The following GATA6 variants were observed in gnomAD, a reference collection of about 807,000 sequenced individuals.
GATA6 encodes the protein GATA binding protein 6.
GATA6 carries 11 observed loss-of-function variants against 48.1 expected under a neutral mutation model. The ratio of observed to expected loss-of-function variants is 0.23; its 90% CI spans 0.14 to 0.38. The LOEUF (loss-of-function observed/expected upper bound fraction) is 0.38, where lower values mean the gene tolerates loss of function less well. Ranked by LOEUF, GATA6 falls within the 10% of genes least tolerant of loss-of-function variation. The probability of loss-of-function intolerance (pLI) is 1.00; values close to 1 mark genes in which losing one functional copy is unlikely to be tolerated. For synonymous variants in GATA6, 419 were observed against 396.1 expected (o/e 1.06, Z -0.69); for missense variants, 795 against 850.3 (o/e 0.93, Z 0.81).
intron 3 of GATA6, among the ~76,000 whole-genome samples, chr18:22,177,944 G>GTTTGTTTT (rs2033144309): frequency 1.3e-5 from 1 of 77,886 alleles, no homozygotes; most frequent in African/African-American, 6.3e-5. Context: ...ACGTTTTACT[G>GTTTGTTTT]TTTTTTTGTT....
At chr18:22,196,516 G>A (rs1393718815) in intron 6 of GATA6, among the ~76,000 whole-genome samples, 1 of 152,136 alleles carries the variant, frequency 6.6e-6, no homozygotes, top group Non-Finnish European at 1.5e-5. Context: ...TGAGGCAGGT[G>A]GATCCCTTGA....
intron 6 of GATA6, among the ~76,000 whole-genome samples, chr18:22,198,069 T>C (rs1341127073): frequency 1.1e-5 from 1 of 95,126 alleles, no homozygotes; most frequent in Non-Finnish European, 2.1e-5. Flanking sequence ...TTCTTCTCTT[T>C]CTTTCTTTTT....
chr18:22,186,642 G>A (rs1033113401), intron 6 of GATA6, among the ~76,000 whole-genome samples: 1 of 152,168 alleles, frequency 6.6e-6, no homozygotes, highest in South Asian at 2.1e-4. Flanking sequence ...GGGGTCTATC[G>A]TGGTTGTCTG....
chr18:22,195,750 A>AT (rs1421811810), intron 6 of GATA6, among the ~76,000 whole-genome samples: 4 of 151,948 alleles, frequency 2.6e-5, no homozygotes, highest in African/African-American at 7.3e-5. Context: ...GTATTACAGG[A>AT]TTTTTTCCAT....
rs2033248015 is a variant in GATA6 at position 22,185,059 on chromosome 18, T to TTG, written c.1620+2019_1620+2020dup. Among the ~76,000 whole-genome samples the TTG allele has an allele frequency of 6.6e-6, 1 of 152,202 alleles. No individual in the cohort carries two copies. The highest frequency in any genetic ancestry group is 1.5e-5 in the Non-Finnish European group (1 of 68,034). On this transcript the variant is annotated intron_variant, in intron 6 of 6. Coordinates refer to ENST00000269216, the MANE Select transcript of GATA6 (RefSeq NM_005257.6). The surrounding 1 kb of genome is among the most constrained non-coding windows in gnomAD (Gnocchi z 4.3). ...ACTTGGAACCATTGTGGGTGGAGTCTTGTGATTTTGTGACGTAAAATTTCA... is the reference window on the plus strand; with the variant it reads ...ACTTGGAACCATTGTGGGTGGAGTCTTGTGTGATTTTGTGACGTAAAATTTCA...
rs995673503 is a variant in GATA6, at chr18:22,181,304, A to G, written c.1303-149A>G. On this transcript the variant is annotated intron_variant, in intron 3 of 6. Coordinates refer to ENST00000269216, the MANE Select transcript of GATA6 (RefSeq NM_005257.6). Reference sequence around the variant, plus strand: ...GGCCCAGAAAAGTCAGTATAAGTACACTGCAATTTTTTTTCTCAAGGACCA... The same window carrying G: ...GGCCCAGAAAAGTCAGTATAAGTACGCTGCAATTTTTTTTCTCAAGGACCA... 2.7e-5 allele frequency: 25 copies of G among 939,466 alleles called. No individual in the cohort carries two copies. The African/African-American group carries it at 3.8e-4, about 14-fold the overall frequency. The allele number at this position is 939,466 out of a possible 1,614,324, so 58.2% of individuals were successfully genotyped here.
rs1282027951 is a variant in GATA6 at position 22,173,521 on chromosome 18, T to TA, written c.1135+1246dup. 5.3e-5 allele frequency among the ~76,000 whole-genome samples: 8 copies of TA among 152,220 alleles called. No individual in the cohort carries two copies. The East Asian group carries it at 1.4e-3, about 26-fold the overall frequency. On this transcript the variant is annotated intron_variant, in intron 2 of 6. Coordinates refer to ENST00000269216, the MANE Select transcript of GATA6 (RefSeq NM_005257.6). ...TCCTAGGGGCCAGGATTCCTTAGGATAAAATGGGACATTCCCAACCTTGTC... is the reference window on the plus strand; with the variant it reads ...TCCTAGGGGCCAGGATTCCTTAGGATAAAAATGGGACATTCCCAACCTTGTC...
chr18:22,177,596 C>CTT (rs1191333497), intron 3 of GATA6, among the ~76,000 whole-genome samples: 1 of 152,154 alleles, frequency 6.6e-6, no homozygotes, highest in Admixed American at 6.5e-5. Context: ...CGAAGGAAGA[C>CTT]TTTTTTCACT....
At position 22,194,716 on chromosome 18, in the gene GATA6, C is replaced by A. The variant is rs568567056; in HGVS notation, c.1621-5940C>A. Among the ~76,000 whole-genome samples the A allele has an allele frequency of 1.6e-4, 24 of 151,546 alleles. 1 individual carries two copies. The East Asian group carries it at 1.7e-3, about 11-fold the overall frequency. On this transcript the variant is annotated intron_variant, in intron 6 of 6. Coordinates refer to ENST00000269216, the MANE Select transcript of GATA6 (RefSeq NM_005257.6). Reference sequence around the variant, plus strand: ...CTCTGATTTCCCCCCTCCGCCCCCCCCTCCCAACACACACACATCGTGTTG... The same window carrying A: ...CTCTGATTTCCCCCCTCCGCCCCCCACTCCCAACACACACACATCGTGTTG...
chr18:22,174,924 C>A (rs1304723498), intron 2 of GATA6, among the ~76,000 whole-genome samples: 1 of 151,980 alleles, frequency 6.6e-6, no homozygotes, highest in East Asian at 1.9e-4. Flanking sequence ...TCCTTTATTT[C>A]CTGGGTCCTA....
intron 2 of GATA6, among the ~76,000 whole-genome samples, chr18:22,176,225 A>G (rs1390166697): frequency 2.0e-5 from 3 of 152,218 alleles, no homozygotes; most frequent in Admixed American, 2.0e-4. Flanking sequence ...AATTTTGCAG[A>G]TAGAAGCAGT....
intron 3 of GATA6, among the ~76,000 whole-genome samples, 172 bp from the exon 4 acceptor site, chr18:22,181,281 C>T (rs1435381711): frequency 6.6e-6 from 1 of 152,072 alleles, no homozygotes; most frequent in Non-Finnish European, 1.5e-5. Context: ...AATTTCTTGG[C>T]CCAGAAAAGT....
At position 22,170,214 on chromosome 18, in the gene GATA6, T is replaced by G. The variant is rs1157766084; in HGVS notation, c.-38+532T>G. 1.3e-5 allele frequency among the ~76,000 whole-genome samples: 2 copies of G among 152,138 alleles called. No individual in the cohort carries two copies. Among genetic ancestry groups the G allele is most frequent in the African/African-American group, 4.8e-5 (2 of 41,456 alleles). On this transcript the variant is annotated intron_variant, in intron 1 of 6. Coordinates refer to ENST00000269216, the MANE Select transcript of GATA6 (RefSeq NM_005257.6). This position sits in a 1 kb window ranked among gnomAD's most constrained non-coding sequence, Gnocchi z 6.7. ...CAGCCCGTTGCGTTCCCCCTCCTTT[T>G]CTCTGCTCTCCGCTCCACCCCGCTA...
chr18:22,193,192 C>T (rs2033348823), intron 6 of GATA6, among the ~76,000 whole-genome samples: 1 of 152,158 alleles, frequency 6.6e-6, no homozygotes, highest in Non-Finnish European at 1.5e-5. Flanking sequence ...AAAAGGTGTC[C>T]ATGTTCCTTT....
chr18:22,171,044 G>A lies in GATA6; in HGVS notation c.-37-64G>A, dbSNP rs1214207394. The stretch of plus-strand genomic sequence containing the variant: ...AAAAGGAGTGGAGGCGAGGTAGCGT[G>A]CAGCCTACGCTCTTGTTAACCCGTC... On this transcript the variant is annotated intron_variant, in intron 1 of 6. Coordinates refer to ENST00000269216, the MANE Select transcript of GATA6 (RefSeq NM_005257.6). This position sits in a 1 kb window ranked among gnomAD's most constrained non-coding sequence, Gnocchi z 7.1. 1.0e-5 allele frequency: 10 copies of A among 957,950 alleles called. No homozygotes were observed. Among genetic ancestry groups the A allele is most frequent in the Non-Finnish European group, 1.6e-5 (10 of 615,830 alleles). 59.3% of individuals were successfully genotyped at this position (957,950 alleles called of 1,614,324 possible). A position where few individuals can be genotyped will look rare whatever the true frequency, so the allele number is the denominator to read the frequency against.
rs544043097 is a variant in GATA6 at position 22,190,964 on chromosome 18, G to A, written c.1620+7921G>A. On this transcript the variant is annotated intron_variant, in intron 6 of 6. Transcript: ENST00000269216. ...CCCGGCAGGGAATGTTCAAGCATGC[G>A]GATTTGCATACTTTCATTCTGATCT... is the stretch of plus-strand genomic sequence containing the variant. 2.1e-4 allele frequency among the ~76,000 whole-genome samples: 32 copies of A among 151,170 alleles called. No homozygotes were observed. In the East Asian group the frequency reaches 6.2e-3, roughly 29 times the overall value.
intron 6 of GATA6, among the ~76,000 whole-genome samples, chr18:22,199,072 A>T (rs1440652124): frequency 1.3e-5 from 2 of 152,164 alleles, no homozygotes; most frequent in African/African-American, 4.8e-5. Flanking sequence ...TTGGGTGCTT[A>T]GACTCAGAGG....
At chr18:22,187,845 GAA>G (rs1568002932) in intron 6 of GATA6, among the ~76,000 whole-genome samples, 1 of 149,736 alleles carries the variant, frequency 6.7e-6, no homozygotes, top group Non-Finnish European at 1.5e-5. Flanking sequence ...GGCAGCTACA[GAA>G]AAAAAGAAAA....
At chr18:22,197,876 G>A (rs1302337130) in intron 6 of GATA6, among the ~76,000 whole-genome samples, 1 of 152,036 alleles carries the variant, frequency 6.6e-6, no homozygotes, top group African/African-American at 2.4e-5. Context: ...TCTGACTCTT[G>A]GTCTACCTTC....
Sources: allele counts gnomAD v4.1 joint callset (sites outside exome capture counted in the v4.1 genomes callset), GRCh38; gene constraint gnomAD v4.1.1; non-coding constraint Gnocchi (gnomAD v3.1); transcripts MANE v1.5; gene names NCBI Gene and HGNC (gene_info 2026-07-23, HGNC 2026-07-21).